TENM2: variants seen among roughly 807,000 people sequenced by gnomAD.
The protein encoded by TENM2 is teneurin transmembrane protein 2.
In TENM2, 52 loss-of-function variants were observed where a neutral mutation model predicts 245.2. That is an observed-to-expected ratio of 0.21 (90% CI 0.17 to 0.27). The LOEUF is 0.27. TENM2 is among the 10% of genes least tolerant of loss of function. The pLI, the probability that TENM2 is intolerant of heterozygous loss-of-function variation, is 1.00. For missense variants in TENM2, 3,046 were observed against 3,666.8 expected (o/e 0.83, Z 4.37); for synonymous variants, 1,363 against 1,438.9 (o/e 0.95, Z 1.19).
At chr5:168,226,970 C>T (rs771534206) in intron 24 of TENM2, among the ~76,000 whole-genome samples, 5 of 152,318 alleles carry the variant, frequency 3.3e-5, no homozygotes, top group East Asian at 3.9e-4. Flanking sequence ...TATCCCACAG[C>T]GGAGCCTGTT....
At chr5:167,988,608 G>A (rs979100084) in intron 4 of TENM2, among the ~76,000 whole-genome samples, 1 of 152,194 alleles carries the variant, frequency 6.6e-6, no homozygotes, top group Non-Finnish European at 1.5e-5. Context: ...GCAAGAAGAT[G>A]TGATATGATG....
At chr5:168,101,970 C>A (rs985816879) in intron 9 of TENM2, among the ~76,000 whole-genome samples, 6 of 152,156 alleles carry the variant, frequency 3.9e-5, no homozygotes, top group African/African-American at 9.7e-5. Flanking sequence ...TTATTTCTGG[C>A]AATTTCATGG....
At chr5:167,687,039 T>C (rs1757120207) in intron 2 of TENM2, among the ~76,000 whole-genome samples, 1 of 152,150 alleles carries the variant, frequency 6.6e-6, no homozygotes, top group Non-Finnish European at 1.5e-5. Flanking sequence ...ATACTTGTAA[T>C]TAACAAAAGG....
chr5:167,711,811 G>C (rs1758931178), intron 2 of TENM2, among the ~76,000 whole-genome samples: 1 of 152,090 alleles, frequency 6.6e-6, no homozygotes, highest in South Asian at 2.1e-4. Flanking sequence ...CTCTCTACAT[G>C]TTTCTCTATC....
At chr5:167,427,806 ACGGAAAGGAAGGGAAGGAAGGGACGGG>A in intron 2 of TENM2, among the ~76,000 whole-genome samples, 7 of 131,140 alleles carry the variant, frequency 5.3e-5, no homozygotes, top group African/African-American at 2.0e-4. Flanking sequence ...GGAAGGAAGG[ACGGAAAGGAAGGGAAGGAAGGGACGGG>A]AGGGAAGGAA....
intron 2 of TENM2, among the ~76,000 whole-genome samples, chr5:167,539,929 A>G (rs116300080): frequency 6.6e-6 from 1 of 152,156 alleles, no homozygotes; most frequent in South Asian, 2.1e-4. Flanking sequence ...CACACATCAG[A>G]CGCTAATTAG....
At chr5:168,239,956 G>A (rs1765937338) in intron 25 of TENM2, among the ~76,000 whole-genome samples, 1 of 152,148 alleles carries the variant, frequency 6.6e-6, no homozygotes, top group South Asian at 2.1e-4. Flanking sequence ...GGTGGCTCAT[G>A]TCTGTAATAC....
intron 2 of TENM2, among the ~76,000 whole-genome samples, chr5:167,755,867 T>C (rs757308006): frequency 7.2e-5 from 11 of 152,180 alleles, no homozygotes; most frequent in Non-Finnish European, 1.5e-4. Flanking sequence ...TCTTCAGGTG[T>C]ACCATTTGCC....
chr5:167,122,257 G>A, the TENM2 span, among the ~76,000 whole-genome samples: 1 of 152,078 alleles, frequency 6.6e-6, no homozygotes, highest in African/African-American at 2.4e-5. Flanking sequence ...ATAAAATGGA[G>A]TGAATCTCTT....
At chr5:167,364,177 T>A (rs1379883315) in intron 1 of TENM2, among the ~76,000 whole-genome samples, 2 of 151,978 alleles carry the variant, frequency 1.3e-5, no homozygotes, top group African/African-American at 4.8e-5. Context: ...TGACTGAGAC[T>A]TTTTTTATAT....
At chr5:168,189,776 A>AATTGT (rs1760784549) in intron 13 of TENM2, among the ~76,000 whole-genome samples, 1 of 152,110 alleles carries the variant, frequency 6.6e-6, no homozygotes, top group Admixed American at 6.5e-5. Flanking sequence ...TTGATAAAAA[A>AATTGT]ATTGTATTTC....
chr5:167,800,232 G>C (rs143627546), intron 2 of TENM2, among the ~76,000 whole-genome samples: 96 of 152,272 alleles, frequency 6.3e-4, no homozygotes, highest in African/African-American at 2.1e-3. Flanking sequence ...GAATTTTCCT[G>C]GTTCCTGTTA....
intron 2 of TENM2, among the ~76,000 whole-genome samples, chr5:167,813,656 C>G (rs1766813066): frequency 6.6e-6 from 1 of 152,082 alleles, no homozygotes; most frequent in South Asian, 2.1e-4. Context: ...CAGTCAGCAG[C>G]CTGAGCAATC....
chr5:167,607,993 G>A lies in TENM2; in HGVS notation c.502+232520G>A, dbSNP rs751280756. ...TCTTGTTTTAGAGCGCTTGGCCAAC[G>A]TATTGAGCCTAGTGTGTGAAGACCA... On this transcript the variant is annotated intron_variant, in intron 2 of 28. Transcript: ENST00000518659. Among the ~76,000 whole-genome samples the A allele has an allele frequency of 4.6e-5, 7 of 151,906 alleles. No individual in the cohort carries two copies. In the East Asian group the frequency reaches 9.7e-4, roughly 21 times the overall value.
chr5:167,636,140 C>T (rs1779198298), intron 2 of TENM2, among the ~76,000 whole-genome samples: 1 of 152,104 alleles, frequency 6.6e-6, no homozygotes, highest in East Asian at 1.9e-4. Context: ...TTCACCTTCT[C>T]ACGAGAGGAT....
chr5:167,302,162 G>A (rs113821041), intron 1 of TENM2, among the ~76,000 whole-genome samples: 119,265 of 152,050 alleles, frequency 0.78, 47,559 homozygotes, highest in African/African-American at 0.94. Context: ...TGCCTATTTT[G>A]TGACAAGAAT....
chr5:168,004,174 CT>C (rs1429872404), intron 5 of TENM2, among the ~76,000 whole-genome samples: 1 of 152,158 alleles, frequency 6.6e-6, no homozygotes. Context: ...TCATGAACGT[CT>C]TCTTTTCAAT....
At chr5:167,114,397 A>G in the TENM2 span, among the ~76,000 whole-genome samples, 1 of 152,278 alleles carries the variant, frequency 6.6e-6, no homozygotes, top group South Asian at 2.1e-4. Flanking sequence ...AATTCAGCCA[A>G]CTCTTAGAAT....
At chr5:167,514,932 AC>A (rs1200233010) in intron 2 of TENM2, among the ~76,000 whole-genome samples, 1 of 151,932 alleles carries the variant, frequency 6.6e-6, no homozygotes, top group African/African-American at 2.4e-5. Context: ...AATCGCTTGA[AC>A]CCGAGAGGCG....
Sources: gnomAD v4.1 joint callset for allele counts (sites outside exome capture counted in the v4.1 genomes callset) on GRCh38, gnomAD v4.1.1 for gene constraint, MANE v1.5 for transcripts, NCBI Gene and HGNC (gene_info 2026-07-23, HGNC 2026-07-21) for gene names.